The following NEK1 variants were observed in gnomAD, a reference collection of about 807,000 sequenced individuals.
NEK1 encodes NIMA related kinase 1.
Under a neutral mutation model 182.1 loss-of-function variants are expected in NEK1, and 137 were observed. The observed-to-expected ratio is 0.75, with a 90% CI of 0.65 to 0.87. The LOEUF is 0.87. NEK1 is among the 40% of genes least tolerant of loss of function. NEK1 has a pLI of 0.00. For missense variants in NEK1, 1,391 were observed against 1,494.4 expected, an observed-to-expected ratio of 0.93 and a Z score of 1.14; for synonymous variants, 513 against 492.2, an observed-to-expected ratio of 1.04 and a Z score of -0.56.
At chr4:169,596,246 G>C (rs1049630578) in intron 5 of NEK1, among the ~76,000 whole-genome samples, 1 of 152,144 alleles carries the variant, frequency 6.6e-6, no homozygotes, top group Non-Finnish European at 1.5e-5. Flanking sequence ...AATCAATTCT[G>C]TAACCTTAGT....
intron 12 of NEK1, among the ~76,000 whole-genome samples, chr4:169,571,396 A>C (rs1382899111): frequency 6.6e-6 from 1 of 152,140 alleles, no homozygotes; most frequent in East Asian, 1.9e-4. Context: ...AACTGGTAAT[A>C]AACTAATTGA....
chr4:169,480,510 T>TA (rs58933123), intron 23 of NEK1, among the ~76,000 whole-genome samples: 3,751 of 100,196 alleles, frequency 0.037, 94 homozygotes, highest in Middle Eastern at 0.086. Flanking sequence ...ACCTCATTCC[T>TA]AAAAAAAAAA....
intron 31 of NEK1, among the ~76,000 whole-genome samples, chr4:169,407,238 C>T (rs61379910): frequency 0.52 from 79,092 of 151,980 alleles, 20,992 homozygotes; most frequent in East Asian, 0.75. Context: ...GTCAACTTGC[C>T]CCACACAGTC....
intron 30 of NEK1, 51 bp from the exon 31 acceptor site, chr4:169,424,851 T>A: frequency 6.7e-7 from 1 of 1,491,956 alleles, no homozygotes; most frequent in South Asian, 1.5e-5. Flanking sequence ...TACTTAAAGT[T>A]CTAAATGATA....
At chr4:169,467,231 T>C (rs1023569869) in intron 26 of NEK1, among the ~76,000 whole-genome samples, 1 of 152,136 alleles carries the variant, frequency 6.6e-6, no homozygotes, top group African/African-American at 2.4e-5. Flanking sequence ...TGGTCAACAG[T>C]AGGCTATTAC....
chr4:169,574,356 G>T (rs1434528567), intron 12 of NEK1, among the ~76,000 whole-genome samples: 1 of 152,178 alleles, frequency 6.6e-6, no homozygotes, highest in Non-Finnish European at 1.5e-5. Context: ...AGCGCTTTGG[G>T]AGGCCAAGGC....
In NEK1 at chr4:169,553,084, A is replaced by G. The variant is rs1207173552; in HGVS notation, c.1562+2636T>C. Among the ~76,000 whole-genome samples the G allele has an allele frequency of 1.6e-4, 25 of 152,186 alleles. 1 individual carries two copies. Among genetic ancestry groups the G allele is most frequent in the Admixed American group, 1.6e-3 (25 of 15,272 alleles). On this transcript the variant is annotated intron_variant, in intron 18 of 35. Transcript: ENST00000507142. ...TGGACAAACTTATTATAAAGCTTAT[A>G]TGGAAAGACAAAAGAACCGGAATAG...
At chr4:169,474,586 T>C (rs759848442) in intron 26 of NEK1, among the ~76,000 whole-genome samples, 1 of 152,198 alleles carries the variant, frequency 6.6e-6, no homozygotes, top group Non-Finnish European at 1.5e-5. Context: ...CATTGCCTCT[T>C]CTCTGACGAA....
At chr4:169,408,465 A>G (rs1443337558) in intron 31 of NEK1, among the ~76,000 whole-genome samples, 1 of 151,958 alleles carries the variant, frequency 6.6e-6, no homozygotes. Context: ...TATTTTAAAC[A>G]ATACAAATGA....
At chr4:169,450,590 G>A (rs561063398) in intron 27 of NEK1, among the ~76,000 whole-genome samples, 1 of 152,118 alleles carries the variant, frequency 6.6e-6, no homozygotes, top group South Asian at 2.1e-4. Context: ...AGTTTCATAA[G>A]TGAAGCAGAA....
At chr4:169,508,371 C>A in intron 20 of NEK1, 40 bp from the exon 21 acceptor site, 1 of 1,465,664 alleles carries the variant, frequency 6.8e-7, no homozygotes, top group East Asian at 2.6e-5. Context: ...AATGTAAAAG[C>A]AAAGCTATTG....
intron 29 of NEK1, among the ~76,000 whole-genome samples, chr4:169,428,656 C>T (rs1034133881): frequency 3.3e-5 from 5 of 151,820 alleles, no homozygotes; most frequent in Admixed American, 6.6e-5. Context: ...GATGGTTGTA[C>T]ACCACTGTGA....
intron 23 of NEK1, among the ~76,000 whole-genome samples, chr4:169,494,413 C>A (rs967503034): frequency 2.0e-4 from 30 of 152,182 alleles, no homozygotes; most frequent in Non-Finnish European, 4.0e-4. Flanking sequence ...CATGCCCCTA[C>A]AAAGGACATG....
At chr4:169,444,032 A>G (rs1460236624) in intron 27 of NEK1, among the ~76,000 whole-genome samples, 4 of 152,206 alleles carry the variant, frequency 2.6e-5, no homozygotes, top group African/African-American at 4.8e-5. Context: ...GACTGATCCT[A>G]TAAGAAATGC....
At chr4:169,522,978 A>G (rs1233810483) in intron 19 of NEK1, among the ~76,000 whole-genome samples, 1 of 152,218 alleles carries the variant, frequency 6.6e-6, no homozygotes, top group Non-Finnish European at 1.5e-5. Context: ...GTTATTTCTC[A>G]AGTCCCGAGG....
At chr4:169,581,518 C>G (rs1412122817) in intron 10 of NEK1, among the ~76,000 whole-genome samples, 1 of 152,124 alleles carries the variant, frequency 6.6e-6, no homozygotes, top group Non-Finnish European at 1.5e-5. Context: ...TGTATGGGAT[C>G]AAGTGATTCT....
intron 23 of NEK1, among the ~76,000 whole-genome samples, chr4:169,490,963 G>A (rs948229370): frequency 2.6e-5 from 4 of 151,894 alleles, no homozygotes; most frequent in Non-Finnish European, 5.9e-5. Flanking sequence ...CTAACATGGT[G>A]AAGCCCTGTC....
At chr4:169,567,431 C>T (rs1023925877) in intron 12 of NEK1, among the ~76,000 whole-genome samples, 3 of 150,910 alleles carry the variant, frequency 2.0e-5, no homozygotes, top group Admixed American at 6.6e-5. Flanking sequence ...GACACAGTCT[C>T]GCTCTGTCAC....
At chr4:169,462,379 T>C (rs1744130480) in intron 27 of NEK1, among the ~76,000 whole-genome samples, 1 of 152,136 alleles carries the variant, frequency 6.6e-6, no homozygotes. Context: ...ACTTTTTGCC[T>C]TTTTTGCAGA....
Sources: gnomAD v4.1 joint callset for allele counts (sites outside exome capture counted in the v4.1 genomes callset) on GRCh38, gnomAD v4.1.1 for gene constraint, MANE v1.5 for transcripts, NCBI Gene and HGNC (gene_info 2026-07-23, HGNC 2026-07-21) for gene names.